The following ADAM18 variants were observed in gnomAD, a reference collection of about 807,000 sequenced individuals.
The protein encoded by ADAM18 is disintegrin and metalloproteinase domain-containing protein 18.
A neutral mutation model predicts 94.4 loss-of-function variants in ADAM18; 117 were observed. The ratio of observed to expected loss-of-function variants is 1.24; its 90% CI spans 1.07 to 1.45. The LOEUF is 1.45. Ranked by LOEUF, ADAM18 falls within the 40% of genes most tolerant of loss-of-function variation. The pLI is 0.00. For missense variants in ADAM18, 936 were observed against 880.0 expected (o/e 1.06, Z -0.81); for synonymous variants, 327 against 291.6 (o/e 1.12, Z -1.24).
intron 16 of ADAM18, among the ~76,000 whole-genome samples, chr8:39,688,438 T>C (rs1450491134): frequency 1.3e-5 from 2 of 152,184 alleles, no homozygotes; most frequent in Non-Finnish European, 2.9e-5. Context: ...TATGTGTCCA[T>C]GTGTTCTCAT....
intron 2 of ADAM18, among the ~76,000 whole-genome samples, chr8:39,596,890 A>G (rs1422007087): frequency 3.3e-5 from 5 of 152,142 alleles, no homozygotes; most frequent in Non-Finnish European, 7.4e-5. Flanking sequence ...ATAATATTTT[A>G]TTTTTAATTT....
At chr8:39,687,529 A>G (rs1028467362) in intron 16 of ADAM18, among the ~76,000 whole-genome samples, 4 of 152,190 alleles carry the variant, frequency 2.6e-5, no homozygotes, top group Admixed American at 2.6e-4. Context: ...GGTAAATTAC[A>G]TGACACTGAG....
rs549828742 is a variant in ADAM18 at position 39,716,778 on chromosome 8, A to G, written c.2018-6970A>G. ...GATCTTCTGTTGGGATATTTTATAT[A>G]TTATTGAACATGTGACATTGAAGTC... On this transcript the variant is annotated intron_variant, in intron 18 of 19. Coordinates refer to ENST00000265707, the MANE Select transcript of ADAM18 (RefSeq NM_014237.3). 1.3e-4 allele frequency among the ~76,000 whole-genome samples: 19 copies of G among 151,936 alleles called. 1 individual carries two copies. In the South Asian group the frequency reaches 3.7e-3, roughly 30 times the overall value.
At chr8:39,586,797 T>TATCTATC (rs1554500926) in intron 2 of ADAM18, among the ~76,000 whole-genome samples, 23 of 131,890 alleles carry the variant, frequency 1.7e-4, no homozygotes, top group African/African-American at 4.6e-4. Context: ...TCTATCTATC[T>TATCTATC]ATCTATATCT....
chr8:39,629,101 A>G, intron 6 of ADAM18, among the ~76,000 whole-genome samples: 1 of 151,992 alleles, frequency 6.6e-6, no homozygotes. Context: ...GCAGATGAAG[A>G]CAGCATAAGG....
chr8:39,614,400 T>G (rs934528301), intron 6 of ADAM18, among the ~76,000 whole-genome samples: 2 of 152,104 alleles, frequency 1.3e-5, no homozygotes, highest in African/African-American at 4.8e-5. Flanking sequence ...AGAAATAAAA[T>G]CCTTTTCAGA....
intron 18 of ADAM18, among the ~76,000 whole-genome samples, chr8:39,708,443 G>C (rs1329206399): frequency 1.3e-5 from 2 of 152,050 alleles, no homozygotes; most frequent in Non-Finnish European, 1.5e-5. Context: ...AAAAACAACT[G>C]TACCATACAG....
intron 17 of ADAM18, among the ~76,000 whole-genome samples, chr8:39,700,771 A>G (rs1822044688): frequency 6.6e-6 from 1 of 152,026 alleles, no homozygotes; most frequent in Admixed American, 6.6e-5. Context: ...ATGAATTTGG[A>G]CCTGCTGTTC....
intron 2 of ADAM18, among the ~76,000 whole-genome samples, chr8:39,599,816 C>G (rs984789770): frequency 3.3e-5 from 5 of 151,664 alleles, no homozygotes; most frequent in Non-Finnish European, 7.4e-5. Flanking sequence ...CAACTTTTTT[C>G]ATATATTACT....
chr8:39,691,413 G>A (rs565435117), intron 16 of ADAM18, among the ~76,000 whole-genome samples: 7 of 152,036 alleles, frequency 4.6e-5, no homozygotes, highest in African/African-American at 1.4e-4. Flanking sequence ...AAACAGTATG[G>A]TGTTTCTTCT....
chr8:39,606,424 C>T, intron 3 of ADAM18, 62 bp downstream of exon 3: 1 of 1,131,778 alleles, frequency 8.8e-7, no homozygotes, highest in South Asian at 1.5e-5. Flanking sequence ...ATTTTACAGC[C>T]TTAAAGTTTT....
intron 17 of ADAM18, among the ~76,000 whole-genome samples, chr8:39,701,561 T>C (rs1822080600): frequency 6.6e-6 from 1 of 152,128 alleles, no homozygotes; most frequent in Non-Finnish European, 1.5e-5. Flanking sequence ...TCATGGGAAT[T>C]TGTGATACTG....
At chr8:39,677,704 G>C (rs1051379693) in intron 15 of ADAM18, among the ~76,000 whole-genome samples, 168 bp downstream of exon 15, 5 of 151,830 alleles carry the variant, frequency 3.3e-5, no homozygotes, top group African/African-American at 1.2e-4. Flanking sequence ...ATTTTCCCTT[G>C]ATATCATCCT....
intron 18 of ADAM18, among the ~76,000 whole-genome samples, chr8:39,722,191 G>A (rs570767244): frequency 4.7e-3 from 317 of 67,114 alleles, no homozygotes; most frequent in Non-Finnish European, 6.0e-3. Context: ...TGGTTATACC[G>A]TGTGTGTGTG....
At chr8:39,726,273 C>CAT (rs1388694819) in intron 19 of ADAM18, among the ~76,000 whole-genome samples, 2 of 150,018 alleles carry the variant, frequency 1.3e-5, no homozygotes, top group African/African-American at 4.9e-5. Flanking sequence ...CACACACACA[C>CAT]ACATTTGTGT....
intron 12 of ADAM18, among the ~76,000 whole-genome samples, chr8:39,653,397 T>C (rs9298571): frequency 0.73 from 111,013 of 152,036 alleles, 41,322 homozygotes; most frequent in Middle Eastern, 0.8. Context: ...TGATATCATG[T>C]ACATTATATA....
intron 6 of ADAM18, among the ~76,000 whole-genome samples, chr8:39,616,903 CTA>C (rs1464085185): frequency 6.6e-6 from 1 of 152,088 alleles, no homozygotes; most frequent in African/African-American, 2.4e-5. Flanking sequence ...AAAGCTAAAA[CTA>C]TAAAAACTCC....
chr8:39,722,871 T>G (rs1454685103), intron 18 of ADAM18, among the ~76,000 whole-genome samples: 1 of 151,578 alleles, frequency 6.6e-6, no homozygotes, highest in African/African-American at 2.4e-5. Flanking sequence ...ATGGTCTTGT[T>G]CAATGTAAAT....
At chr8:39,612,172 T>C (rs935659576) in intron 6 of ADAM18, among the ~76,000 whole-genome samples, 3 of 149,022 alleles carry the variant, frequency 2.0e-5, no homozygotes, top group African/African-American at 4.9e-5. Flanking sequence ...GATGGCCAAC[T>C]GGACACAGCC....
Sources: gnomAD v4.1 joint callset for allele counts (sites outside exome capture counted in the v4.1 genomes callset) on GRCh38, gnomAD v4.1.1 for gene constraint, MANE v1.5 for transcripts, NCBI Gene and HGNC (gene_info 2026-07-23, HGNC 2026-07-21) for gene names.